SMCHD1: variants seen among roughly 807,000 people sequenced by gnomAD.
The protein encoded by SMCHD1 is structural maintenance of chromosomes flexible hinge domain containing 1.
SMCHD1 carries 78 observed loss-of-function variants against 254.7 expected under a neutral mutation model. That is an observed-to-expected ratio of 0.31 (90% confidence interval 0.26 to 0.37). The LOEUF (loss-of-function observed/expected upper bound fraction) is 0.37. Ranked by LOEUF, SMCHD1 falls within the 10% of genes least tolerant of loss-of-function variation. The pLI, the probability that SMCHD1 is intolerant of heterozygous loss-of-function variation, is 1.00. For missense variants in SMCHD1, 1,840 were observed against 2,408.1 expected (o/e 0.76, Z 4.94); for synonymous variants, 766 against 794.9 (o/e 0.96, Z 0.61).
At chr18:2,663,123 C>T (rs1236468636) in intron 1 of SMCHD1, among the ~76,000 whole-genome samples, 1 of 152,118 alleles carries the variant, frequency 6.6e-6, no homozygotes, top group East Asian at 1.9e-4. Flanking sequence ...TCTTTTGAGA[C>T]AGAGTCTCAC....
In SMCHD1 at chr18:2,760,725, C is replaced by A. The variant is rs1277944007; in HGVS notation, c.4420C>A (p.Leu1474Ile). The change falls in exon 35 of 48, where the codon CTC becomes ATC. Residue 1474 changes from leucine to isoleucine, a missense_variant. By Grantham distance (5) the Leu-to-Ile change is conservative (BLOSUM62 2). Transcript: ENST00000320876. The stretch of plus-strand genomic sequence containing the variant: ...TTTTATGATGGATAAAACAAATATT[C>A]TCAACAGTGAACAGGTTTGCTTACT... ...FGFMMDKTNI[L>I]NSEQVIVEVL... The A allele has an allele frequency of 6.3e-7, 1 of 1,599,670 alleles. No individual in the cohort carries two copies. The highest frequency in any genetic ancestry group is 1.7e-5 in the Admixed American group (1 of 59,796).
chr18:2,803,510 A>T lies in SMCHD1; in HGVS notation c.*958A>T, dbSNP rs1381985608. Reference sequence around the variant, plus strand: ...ATCTGTGAAGTTATTTTGTAAGGACATACATTTGGTAAGTAAGTTTGTGTC... The same window carrying T: ...ATCTGTGAAGTTATTTTGTAAGGACTTACATTTGGTAAGTAAGTTTGTGTC... On this transcript the variant is annotated 3_prime_UTR_variant, in exon 48 of 48. Coordinates refer to ENST00000320876, the MANE Select transcript of SMCHD1 (RefSeq NM_015295.3). The T allele has an allele frequency of 1.3e-5, 2 of 152,096 alleles. No homozygotes were observed. Among genetic ancestry groups the T allele is most frequent in the African/African-American group, 2.4e-5 (1 of 41,432 alleles). 9.4% of individuals were successfully genotyped at this position (152,096 alleles called of 1,614,324 possible).
rs1568221187 is a variant in SMCHD1 at position 2,717,113 on chromosome 18, A to T, written c.2261-1045A>T. The stretch of plus-strand genomic sequence containing the variant: ...GCAGGTTTCTGTGCAGCCCGCTGTG[A>T]CTTAGGATCGGGAATGGCTGCCTTC... On this transcript the variant is annotated intron_variant, in intron 17 of 47. Coordinates refer to ENST00000320876, the MANE Select transcript of SMCHD1 (RefSeq NM_015295.3). Among the ~76,000 whole-genome samples, 4 of 152,230 alleles carry T rather than the reference A, an allele frequency of 2.6e-5. 1 individual carries two copies. In the East Asian group the frequency reaches 7.8e-4, roughly 30 times the overall value.
chr18:2,723,187 T>C (rs1396096339), intron 20 of SMCHD1, among the ~76,000 whole-genome samples: 1 of 152,248 alleles, frequency 6.6e-6, no homozygotes, highest in African/African-American at 2.4e-5. Context: ...GTGAGTTCTT[T>C]CTGGTTCTCT....
At chr18:2,711,551 C>T (rs1401790211) in intron 17 of SMCHD1, among the ~76,000 whole-genome samples, 1 of 139,016 alleles carries the variant, frequency 7.2e-6, no homozygotes, top group Admixed American at 7.6e-5. Context: ...GGCGGGATCT[C>T]GGCTCACTGC....
chr18:2,784,677 T>C, intron 45 of SMCHD1, 56 bp downstream of exon 45: 1 of 1,439,936 alleles, frequency 6.9e-7, no homozygotes, highest in Non-Finnish European at 9.3e-7. Flanking sequence ...CTCTTATTTT[T>C]CTAAGAGCTT....
chr18:2,751,897 C>T (rs1218162232), intron 33 of SMCHD1, among the ~76,000 whole-genome samples: 2 of 152,048 alleles, frequency 1.3e-5, no homozygotes, highest in Non-Finnish European at 2.9e-5. Flanking sequence ...ACCATTTCAA[C>T]ATATATTCAA....
intron 5 of SMCHD1, among the ~76,000 whole-genome samples, chr18:2,676,117 G>A (rs2073743026): frequency 6.6e-6 from 1 of 152,056 alleles, no homozygotes; most frequent in Non-Finnish European, 1.5e-5. Context: ...CTGGATACAA[G>A]GATGGATGTC....
intron 28 of SMCHD1, among the ~76,000 whole-genome samples, chr18:2,743,265 T>C (rs1032069094): frequency 1.3e-5 from 2 of 152,156 alleles, no homozygotes; most frequent in African/African-American, 4.8e-5. Flanking sequence ...AATCATCTTG[T>C]CATGGAGAGA....
chr18:2,681,612 A>G (rs960158236), intron 5 of SMCHD1, among the ~76,000 whole-genome samples: 1 of 150,658 alleles, frequency 6.6e-6, no homozygotes, highest in African/African-American at 2.4e-5. Flanking sequence ...AAAAGGATAT[A>G]TAACATTACA....
At chr18:2,786,015 T>G (rs562083517) in intron 45 of SMCHD1, among the ~76,000 whole-genome samples, 1 of 151,870 alleles carries the variant, frequency 6.6e-6, no homozygotes, top group Non-Finnish European at 1.5e-5. Flanking sequence ...TTTTTTCTTA[T>G]TTTTTATTTT....
intron 29 of SMCHD1, among the ~76,000 whole-genome samples, chr18:2,744,804 G>T (rs927632328): frequency 6.6e-6 from 1 of 152,066 alleles, no homozygotes; most frequent in African/African-American, 2.4e-5. Flanking sequence ...TTATGGAATA[G>T]CAGGGCTTTA....
At chr18:2,658,977 C>A (rs1010477767) in intron 1 of SMCHD1, among the ~76,000 whole-genome samples, 4 of 151,890 alleles carry the variant, frequency 2.6e-5, no homozygotes, top group African/African-American at 9.7e-5. Context: ...TTACACTACT[C>A]CACACTATTT....
At chr18:2,685,578 A>G (rs964603016) in intron 5 of SMCHD1, among the ~76,000 whole-genome samples, 2 of 152,098 alleles carry the variant, frequency 1.3e-5, no homozygotes, top group African/African-American at 2.4e-5. Flanking sequence ...GTACCCCCAA[A>G]TTGAAGCTTT....
At chr18:2,695,362 T>C (rs1018930284) in intron 8 of SMCHD1, among the ~76,000 whole-genome samples, 6 of 150,688 alleles carry the variant, frequency 4.0e-5, no homozygotes, top group Admixed American at 1.3e-4. Context: ...CAGGCTGGAG[T>C]GCAATGGCGC....
At position 2,700,532 on chromosome 18, in the gene SMCHD1, G is replaced by T; in HGVS notation, c.1343-7G>T. ...AACATTTTGTTCCATTTGCCCTTTTGATCTAGAATTAAAAGATGAAGATGA... is the reference window on the plus strand; with the variant it reads ...AACATTTTGTTCCATTTGCCCTTTTTATCTAGAATTAAAAGATGAAGATGA... On this transcript the variant is annotated splice_region_variant and splice_polypyrimidine_tract_variant and intron_variant, in intron 10 of 47. Coordinates refer to ENST00000320876, the MANE Select transcript of SMCHD1 (RefSeq NM_015295.3). 2 of 1,598,888 alleles carry T rather than the reference G, an allele frequency of 1.3e-6. No individual in the cohort carries two copies. The highest frequency in any genetic ancestry group is 2.3e-5 in the South Asian group (2 of 87,758).
At chr18:2,739,318 TA>T in intron 26 of SMCHD1, 113 bp from the exon 27 acceptor site, 1 of 724,914 alleles carries the variant, frequency 1.4e-6, no homozygotes, top group South Asian at 1.6e-5. Flanking sequence ...GAAGGAGTGT[TA>T]TTGTATTTGA....
At chr18:2,770,677 A>T (rs1318835294) in intron 39 of SMCHD1, among the ~76,000 whole-genome samples, 1 of 152,072 alleles carries the variant, frequency 6.6e-6, no homozygotes, top group East Asian at 1.9e-4. Flanking sequence ...GCTGGAGTGC[A>T]GTGGCACGAT....
chr18:2,773,215 T>G (rs1447047965), intron 41 of SMCHD1, among the ~76,000 whole-genome samples: 2 of 152,208 alleles, frequency 1.3e-5, no homozygotes, highest in Non-Finnish European at 2.9e-5. Context: ...TTAATTCAAG[T>G]TAAATATAAA....
Sources: allele counts gnomAD v4.1 joint callset (sites outside exome capture counted in the v4.1 genomes callset), GRCh38; gene constraint gnomAD v4.1.1; transcripts MANE v1.5; gene names NCBI Gene and HGNC (gene_info 2026-07-23, HGNC 2026-07-21).